The following DLGAP1 variants were observed in gnomAD, a reference collection of about 807,000 sequenced individuals.
DLGAP1 encodes the protein disks large-associated protein 1.
A neutral mutation model predicts 90.8 loss-of-function variants in DLGAP1; 11 were observed. The observed-to-expected ratio is 0.12, with a 90% CI of 0.08 to 0.20. The LOEUF (loss-of-function observed/expected upper bound fraction) is 0.20. Ranked by LOEUF, DLGAP1 falls within the 10% of genes least tolerant of loss-of-function variation. The probability of loss-of-function intolerance (pLI) is 1.00; values close to 1 mark genes in which losing one functional copy is unlikely to be tolerated. For missense variants in DLGAP1, 1,050 were observed against 1,333.8 expected, an observed-to-expected ratio of 0.79 and a Z score of 3.31; for synonymous variants, 558 against 540.7, an observed-to-expected ratio of 1.03 and a Z score of -0.44.
At chr18:3,765,647 A>G (rs1469391678) in intron 5 of DLGAP1, among the ~76,000 whole-genome samples, 1 of 151,986 alleles carries the variant, frequency 6.6e-6, no homozygotes, top group Non-Finnish European at 1.5e-5. Flanking sequence ...CAGCCTGGCC[A>G]ACATGGTGAA....
At chr18:4,030,149 T>C (rs2074772240) in intron 2 of DLGAP1, among the ~76,000 whole-genome samples, 6 of 152,130 alleles carry the variant, frequency 3.9e-5, no homozygotes, top group Non-Finnish European at 5.9e-5. Flanking sequence ...TGTGCAACCA[T>C]GCCTGGTTAA....
intron 7 of DLGAP1, among the ~76,000 whole-genome samples, chr18:3,602,683 A>G (rs1458142026): frequency 6.6e-6 from 1 of 151,912 alleles, no homozygotes; most frequent in Non-Finnish European, 1.5e-5. Context: ...CGAGCACTAG[A>G]TATGTTTATT....
chr18:4,410,370 C>T (rs2082751541), intron 1 of DLGAP1, among the ~76,000 whole-genome samples: 1 of 152,068 alleles, frequency 6.6e-6, no homozygotes, highest in Admixed American at 6.6e-5. Context: ...ATAGTCAAAA[C>T]AATCAAATAA....
chr18:4,258,654 G>C (rs1171831819), intron 1 of DLGAP1, among the ~76,000 whole-genome samples: 1 of 152,064 alleles, frequency 6.6e-6, no homozygotes, highest in African/African-American at 2.4e-5. Context: ...ATTATGTTGT[G>C]AGTTGGATAA....
chr18:4,192,075 A>T (rs987262950), intron 1 of DLGAP1, among the ~76,000 whole-genome samples: 2 of 152,188 alleles, frequency 1.3e-5, no homozygotes, highest in African/African-American at 4.8e-5. Context: ...ATAATGAAGA[A>T]ATGACTTCAT....
chr18:4,198,009 C>T (rs991285120), intron 1 of DLGAP1, among the ~76,000 whole-genome samples: 1 of 151,998 alleles, frequency 6.6e-6, no homozygotes, highest in Non-Finnish European at 1.5e-5. Flanking sequence ...ATCACGAGAT[C>T]AGGAGATCAA....
chr18:3,729,046 T>C lies in DLGAP1; in HGVS notation c.1591+89A>G. 6.7e-7 allele frequency: 1 copy of C among 1,498,130 alleles called. No individual in the cohort carries two copies. Among genetic ancestry groups the C allele is most frequent in the Non-Finnish European group, 8.9e-7 (1 of 1,122,400 alleles). The allele number at this position is 1,498,130 out of a possible 1,614,324, so 92.8% of individuals were successfully genotyped here. A position where few individuals can be genotyped will look rare whatever the true frequency, so the allele number is the denominator to read the frequency against. ...GGTGGTATCTTGTTCCTGGCAACTA[T>C]GTGTGTTGACAGCAAGGGCACAGTC... On this transcript the variant is annotated intron_variant, in intron 7 of 12. Transcript: ENST00000315677. The surrounding 1 kb of genome is among the most constrained non-coding windows in gnomAD (Gnocchi z 6.2).
chr18:3,741,249 T>C lies in DLGAP1; in HGVS notation c.1350+1086A>G, dbSNP rs868215770. ...ACCATCACCACCACCACCATCACCA[T>C]CACCACCACAATCACCACCACCACA... On this transcript the variant is annotated intron_variant, in intron 6 of 12. Coordinates refer to ENST00000315677, the MANE Select transcript of DLGAP1 (RefSeq NM_004746.4). 7.5e-3 allele frequency among the ~76,000 whole-genome samples: 392 copies of C among 51,962 alleles called. 3 individuals are homozygous for C. The highest frequency in any genetic ancestry group is 0.031 in the African/African-American group (350 of 11,350). The allele number at this position is 51,962 out of a possible 152,430, so 34.1% of individuals were successfully genotyped here.
intron 7 of DLGAP1, among the ~76,000 whole-genome samples, chr18:3,702,371 T>C (rs342485): frequency 0.27 from 40,749 of 152,188 alleles, 6,756 homozygotes; most frequent in African/African-American, 0.47. Context: ...TGGTGCTCAA[T>C]TGGATATGCT....
At chr18:4,115,838 A>G (rs1268304670) in intron 2 of DLGAP1, among the ~76,000 whole-genome samples, 1 of 152,226 alleles carries the variant, frequency 6.6e-6, no homozygotes, top group Non-Finnish European at 1.5e-5. Context: ...TGTCAAAAAT[A>G]TTAAATTTCT....
At chr18:3,658,118 T>G (rs1012218973) in intron 7 of DLGAP1, among the ~76,000 whole-genome samples, 1 of 152,216 alleles carries the variant, frequency 6.6e-6, no homozygotes, top group African/African-American at 2.4e-5. Context: ...ATGGCATATT[T>G]GTCACTGTAC....
intron 1 of DLGAP1, among the ~76,000 whole-genome samples, chr18:4,306,122 G>C (rs1057082628): frequency 9.3e-5 from 14 of 151,170 alleles, no homozygotes; most frequent in South Asian, 2.1e-4. Context: ...TTAAATAACA[G>C]CAGATAGGTG....
intron 7 of DLGAP1, among the ~76,000 whole-genome samples, chr18:3,716,759 G>C (rs73370524): frequency 0.02 from 3,060 of 151,854 alleles, 89 homozygotes; most frequent in African/African-American, 0.071. Context: ...TTTGGATACT[G>C]TTCCCATGTC....
intron 7 of DLGAP1, among the ~76,000 whole-genome samples, chr18:3,582,664 G>C (rs2055591468): frequency 6.6e-6 from 1 of 152,144 alleles, no homozygotes; most frequent in Non-Finnish European, 1.5e-5. Flanking sequence ...CATTAGAAGA[G>C]ATTTTAGTGG....
chr18:3,686,035 G>A (rs1354609700), intron 7 of DLGAP1, among the ~76,000 whole-genome samples: 3 of 151,996 alleles, frequency 2.0e-5, no homozygotes, highest in Admixed American at 2.0e-4. Context: ...AATTTAATTG[G>A]GCATGGTGGC....
At chr18:3,986,194 C>A (rs887520361) in intron 3 of DLGAP1, 1 of 152,090 alleles carries the variant, frequency 6.6e-6, no homozygotes, top group African/African-American at 2.4e-5. Flanking sequence ...GTTTCTTATG[C>A]AGGTGGATAG....
intron 1 of DLGAP1, among the ~76,000 whole-genome samples, chr18:4,262,928 T>C (rs2079031570): frequency 6.6e-6 from 1 of 151,118 alleles, no homozygotes; most frequent in Non-Finnish European, 1.5e-5. Flanking sequence ...ATTATTATTA[T>C]TATTATTTTA....
chr18:3,639,754 C>CTTTT (rs1567880148), intron 7 of DLGAP1, among the ~76,000 whole-genome samples: 1 of 111,320 alleles, frequency 9.0e-6, no homozygotes, highest in Non-Finnish European at 1.7e-5. Flanking sequence ...TGCAGAGTTG[C>CTTTT]CTTTTTTTTT....
chr18:3,539,228 A>G (rs2052550088), intron 9 of DLGAP1, among the ~76,000 whole-genome samples: 1 of 152,240 alleles, frequency 6.6e-6, no homozygotes. Flanking sequence ...GGAACACAAA[A>G]TGAGGTCCCT....
Sources: gnomAD v4.1 joint callset for allele counts (sites outside exome capture counted in the v4.1 genomes callset) on GRCh38, gnomAD v4.1.1 for gene constraint, Gnocchi (gnomAD v3.1) non-coding constraint, MANE v1.5 for transcripts, NCBI Gene and HGNC (gene_info 2026-07-23, HGNC 2026-07-21) for gene names.